The following DSCAML1 variants were observed in gnomAD, a reference collection of about 807,000 sequenced individuals.
The protein encoded by DSCAML1 is DS cell adhesion molecule like 1.
A neutral mutation model predicts 200.5 loss-of-function variants in DSCAML1; 38 were observed. That is an observed-to-expected ratio of 0.19 (90% CI 0.15 to 0.25). The LOEUF is 0.25. Among genes scored for constraint, DSCAML1 ranks in the 10% least tolerant of loss-of-function variants. The pLI is 1.00. For synonymous variants in DSCAML1, 1,215 were observed against 1,165.0 expected (o/e 1.04, Z -0.87); for missense variants, 2,223 against 2,858.8 (o/e 0.78, Z 5.07).
At chr11:117,575,203 A>C (rs200516597) in intron 3 of DSCAML1, among the ~76,000 whole-genome samples, 1 of 151,432 alleles carries the variant, frequency 6.6e-6, no homozygotes, top group Non-Finnish European at 1.5e-5. Context: ...AAAATAAAAA[A>C]CAGAACAGAA....
chr11:117,529,987 C>A (rs970753958), intron 4 of DSCAML1, among the ~76,000 whole-genome samples: 1 of 152,170 alleles, frequency 6.6e-6, no homozygotes. Flanking sequence ...GTGCCCCCTC[C>A]CTGGAGCCCC....
intron 3 of DSCAML1, among the ~76,000 whole-genome samples, chr11:117,733,688 T>C (rs777178575): frequency 2.2e-4 from 33 of 152,120 alleles, no homozygotes; most frequent in Admixed American, 4.6e-4. Context: ...TGCATGCATA[T>C]ATGTGCACAT....
At chr11:117,517,787 C>T (rs185754792) in intron 7 of DSCAML1, among the ~76,000 whole-genome samples, 1 of 152,336 alleles carries the variant, frequency 6.6e-6, no homozygotes, top group East Asian at 1.9e-4. Context: ...CTACAAAGAG[C>T]TTCAGAGGAG....
chr11:117,518,539 G>A lies in DSCAML1; in HGVS notation c.1437C>T (p.Asp479=), dbSNP rs750095278. 20 of 1,614,180 alleles carry A rather than the reference G, an allele frequency of 1.2e-5. No individual in the cohort carries two copies. The highest frequency in any genetic ancestry group is 1.6e-4 in the Middle Eastern group (1 of 6,062). The change falls in exon 7 of 33, where the codon GAC becomes GAT. Residue 479 remains aspartate (D), a synonymous_variant. Transcript: ENST00000651296. This position sits in a 1 kb window ranked among gnomAD's most constrained non-coding sequence, Gnocchi z 6.3. ...HMNVTGPQIR[D]GGVYRCTARN... is the part of the protein sequence containing the mutation. Reference sequence around the variant, plus strand: ...GCGCTGTGCACCGGTACACGCCCCCGTCGCGGATCTGGGGGCCTGTGACGT... The same window carrying A: ...GCGCTGTGCACCGGTACACGCCCCCATCGCGGATCTGGGGGCCTGTGACGT...
intron 3 of DSCAML1, among the ~76,000 whole-genome samples, chr11:117,579,158 C>T (rs2051000658): frequency 2.0e-5 from 3 of 152,212 alleles, no homozygotes; most frequent in Admixed American, 2.0e-4. Context: ...GGCTCTGCAG[C>T]CCAATGTTCT....
At chr11:117,733,800 G>A (rs1030602797) in intron 3 of DSCAML1, among the ~76,000 whole-genome samples, 5 of 151,424 alleles carry the variant, frequency 3.3e-5, no homozygotes, top group African/African-American at 1.2e-4. Context: ...TCTTTTGGGG[G>A]ACTGTCTGGA....
At chr11:117,602,215 G>A (rs1723545587) in intron 3 of DSCAML1, among the ~76,000 whole-genome samples, 1 of 152,246 alleles carries the variant, frequency 6.6e-6, no homozygotes, top group Non-Finnish European at 1.5e-5. Context: ...AGATATGGAA[G>A]GTGTCTGACT....
intron 3 of DSCAML1, among the ~76,000 whole-genome samples, chr11:117,766,855 G>C (rs2054906516): frequency 6.6e-6 from 1 of 152,158 alleles, no homozygotes; most frequent in Non-Finnish European, 1.5e-5. Context: ...TGGCGTGCAA[G>C]TGCAGAGCAG....
chr11:117,515,034 G>A (rs751142354), intron 8 of DSCAML1, among the ~76,000 whole-genome samples: 3 of 152,274 alleles, frequency 2.0e-5, no homozygotes, highest in Non-Finnish European at 4.4e-5. Context: ...CTGCCGCAGT[G>A]ACAGTGGCAG....
rs374671165 is a variant in DSCAML1 at position 117,469,243 on chromosome 11, G to C, written c.3024+667C>G. Among the ~76,000 whole-genome samples the C allele has an allele frequency of 6.6e-6, 1 of 152,188 alleles. No individual in the cohort carries two copies. Among genetic ancestry groups the C allele is most frequent in the South Asian group, 2.1e-4 (1 of 4,830 alleles). On this transcript the variant is annotated intron_variant, in intron 16 of 32. Transcript: ENST00000651296. The surrounding 1 kb of genome is among the most constrained non-coding windows in gnomAD (Gnocchi z 4.1). ...AAAGAGAAAGCACTTGGAGACTGGA[G>C]GATGCAGTGAGACAGGAAGCCCCTG...
At chr11:117,814,112 A>G (rs536685220) in intron 1 of DSCAML1, among the ~76,000 whole-genome samples, 1 of 151,328 alleles carries the variant, frequency 6.6e-6, no homozygotes, top group East Asian at 1.9e-4. Context: ...AAGCTCCCCC[A>G]CTGAGCACCT....
At chr11:117,796,658 G>A (rs2055582522) in intron 1 of DSCAML1, among the ~76,000 whole-genome samples, 2 of 152,212 alleles carry the variant, frequency 1.3e-5, no homozygotes, top group African/African-American at 4.8e-5. Context: ...GTCACGGCCT[G>A]AGGACCCCTC....
At chr11:117,446,969 G>A (rs913516905) in intron 20 of DSCAML1, among the ~76,000 whole-genome samples, 1 of 152,200 alleles carries the variant, frequency 6.6e-6, no homozygotes, top group Non-Finnish European at 1.5e-5. Context: ...TGGTTAAGTA[G>A]ATTCTGTATA....
In DSCAML1 at chr11:117,743,561, C is replaced by T. The variant is rs77688679; in HGVS notation, c.511+33230G>A. On this transcript the variant is annotated intron_variant, in intron 3 of 32. Coordinates refer to ENST00000651296, the MANE Select transcript of DSCAML1 (RefSeq NM_020693.4). ...AGCGTCTGACACCTTGGGGCCACCT[C>T]AGCTCCCGCTGTCTGGCGTAACCAC... 1.8e-4 allele frequency among the ~76,000 whole-genome samples: 27 copies of T among 152,300 alleles called. No individual in the cohort carries two copies. The East Asian group carries it at 4.6e-3, about 26-fold the overall frequency.
rs115701455 is a variant in DSCAML1 at position 117,474,530 on chromosome 11, C to T, written c.2786-2494G>A. Among the ~76,000 whole-genome samples the T allele has an allele frequency of 3.0e-3, 454 of 152,282 alleles. 6 individuals are homozygous for T. The highest frequency in any genetic ancestry group is 0.01 in the African/African-American group (418 of 41,558). ...CAGCCTGGGCCTCTCCTTCCGACTC[C>T]AGACCTTATAGCCAAGTTTTTAGTT... On this transcript the variant is annotated intron_variant, in intron 14 of 32. Transcript: ENST00000651296.
chr11:117,733,065 G>A (rs1463427857), intron 3 of DSCAML1, among the ~76,000 whole-genome samples: 1 of 152,108 alleles, frequency 6.6e-6, no homozygotes, highest in Non-Finnish European at 1.5e-5. Flanking sequence ...ATATCATCAG[G>A]GGTGAACTGG....
chr11:117,731,781 T>C (rs976469812), intron 3 of DSCAML1, among the ~76,000 whole-genome samples: 1 of 152,248 alleles, frequency 6.6e-6, no homozygotes, highest in African/African-American at 2.4e-5. Context: ...AGTTTCACTA[T>C]CTAGCATTGT....
intron 14 of DSCAML1, among the ~76,000 whole-genome samples, chr11:117,476,699 T>C (rs1380835164): frequency 6.6e-6 from 1 of 152,222 alleles, no homozygotes. Context: ...GATGGTGCTA[T>C]TTATCATTCG....
At chr11:117,549,420 G>T (rs1252246319) in intron 3 of DSCAML1, among the ~76,000 whole-genome samples, 1 of 152,200 alleles carries the variant, frequency 6.6e-6, no homozygotes, top group Non-Finnish European at 1.5e-5. Flanking sequence ...ATGAATCTTG[G>T]CTACTCTGCC....
Sources: gnomAD v4.1 joint callset for allele counts (sites outside exome capture counted in the v4.1 genomes callset) on GRCh38, gnomAD v4.1.1 for gene constraint, Gnocchi (gnomAD v3.1) non-coding constraint, MANE v1.5 for transcripts, NCBI Gene and HGNC (gene_info 2026-07-23, HGNC 2026-07-21) for gene names.